CTSC: variants seen among roughly 807,000 people sequenced by gnomAD.
CTSC encodes the protein cathepsin C, also known as dipeptidyl peptidase 1.
Under a neutral mutation model 40.9 loss-of-function variants are expected in CTSC, and 37 were observed. That is an observed-to-expected ratio of 0.91 (90% CI 0.70 to 1.19). The LOEUF is 1.19. Ranked by LOEUF, CTSC falls within the 50% of genes most tolerant of loss-of-function variation. CTSC has a pLI of 0.00. For missense variants in CTSC, 594 were observed against 567.3 expected (o/e 1.05, Z -0.48); for synonymous variants, 232 against 207.4 (o/e 1.12, Z -1.02).
intron 2 of CTSC, among the ~76,000 whole-genome samples, chr11:88,327,550 GA>G (rs1405519078): frequency 1.3e-5 from 2 of 152,160 alleles, no homozygotes; most frequent in African/African-American, 4.8e-5. Context: ...AGAATGTAAA[GA>G]GTGAATAAGA....
Position 88,336,210 on chromosome 11 carries a change from T to C in CTSC, c.173-1128A>G, listed in dbSNP as rs527387038. ...ACAGGGCAGTGCAAATCCTGATCTC[T>C]TTCTGCCCCAACCTTCAAACTCAAA... On this transcript the variant is annotated intron_variant, in intron 1 of 6. Coordinates refer to ENST00000227266, the MANE Select transcript of CTSC (RefSeq NM_001814.6). 4.2e-4 allele frequency among the ~76,000 whole-genome samples: 63 copies of C among 149,686 alleles called. No homozygotes were observed. In the South Asian group the frequency reaches 0.01, roughly 24 times the overall value.
chr11:88,296,458 T>TGA, intron 5 of CTSC, 194 bp from the exon 6 acceptor site: 1 of 610,246 alleles, frequency 1.6e-6, no homozygotes, highest in Non-Finnish European at 2.8e-6. Flanking sequence ...TTCATCCTTT[T>TGA]TCATCAAAAG....
In CTSC at chr11:88,337,508, C is replaced by G; in HGVS notation, c.165G>C (p.Ser55=). Residue 55 remains serine, a synonymous_variant, in exon 1 of 7, where the codon TCG becomes TCC. Transcript: ENST00000227266. ...GCCGAGCCGGCGGCTTACCCATAAC[C>G]GAGCAGTTGACATCGCGCTGGGAAC... ...SSGSQRDVNC[S]VMGPQEKKVV... The G allele has an allele frequency of 6.4e-7, 1 of 1,573,284 alleles. No homozygotes were observed. Among genetic ancestry groups the G allele is most frequent in the Non-Finnish European group, 8.6e-7 (1 of 1,158,348 alleles).
At chr11:88,326,177 A>G (rs1938179064) in intron 2 of CTSC, 2 of 1,355,350 alleles carry the variant, frequency 1.5e-6, no homozygotes, top group Admixed American at 3.1e-5. Context: ...TCTCCTGTGT[A>G]GTCTCTGGTT....
At chr11:88,335,209 C>A in intron 1 of CTSC, 127 bp from the exon 2 acceptor site, 2 of 703,090 alleles carry the variant, frequency 2.8e-6, no homozygotes, top group South Asian at 1.6e-5. Flanking sequence ...GCACAGTCTG[C>A]CTAGTGAAGA....
At chr11:88,304,987 A>C (rs1012259360) in intron 4 of CTSC, among the ~76,000 whole-genome samples, 2 of 152,128 alleles carry the variant, frequency 1.3e-5, no homozygotes, top group African/African-American at 4.8e-5. Flanking sequence ...AATCCCAGCT[A>C]CTTGGGAGGC....
chr11:88,314,277 T>C (rs1937829147), intron 2 of CTSC, among the ~76,000 whole-genome samples: 1 of 152,156 alleles, frequency 6.6e-6, no homozygotes, highest in Non-Finnish European at 1.5e-5. Flanking sequence ...CAAAAAGAGG[T>C]TTGTAGTTTG....
At chr11:88,312,643 G>GC (rs201231194) in intron 2 of CTSC, 89 bp from the exon 3 acceptor site, 1 of 1,359,386 alleles carries the variant, frequency 7.4e-7, no homozygotes, top group Non-Finnish European at 9.8e-7. Flanking sequence ...CAGTAAATGT[G>GC]CCCCTTTCAA....
At chr11:88,317,550 G>GA (rs2134793193) in intron 2 of CTSC, among the ~76,000 whole-genome samples, 1 of 152,316 alleles carries the variant, frequency 6.6e-6, no homozygotes, top group Non-Finnish European at 1.5e-5. Context: ...TACCAGCGGG[G>GA]AAGCCAAGTA....
rs1188164642 is a variant in CTSC, at chr11:88,305,020, C to T, written c.641+4143G>A. 2.6e-5 allele frequency among the ~76,000 whole-genome samples: 4 copies of T among 152,054 alleles called. No homozygotes were observed. In the East Asian group the frequency reaches 7.7e-4, roughly 29 times the overall value. On this transcript the variant is annotated intron_variant, in intron 4 of 6. Transcript: ENST00000227266. ...GGCTGAGGCAGGAGAATCATTTAAACCCAGGAGGCAGAGGTTGCAGTGAGC... is the reference window on the plus strand; with the variant it reads ...GGCTGAGGCAGGAGAATCATTTAAATCCAGGAGGCAGAGGTTGCAGTGAGC...
At position 88,337,603 on chromosome 11, in the gene CTSC, A is replaced by C; in HGVS notation, c.70T>G (p.Cys24Gly). ...TAGGTGCAGTTGGCAGGTGTGTCGC[A>C]GCGCACGGCGCCGTCGCCGGAGAGA... is the stretch of plus-strand genomic sequence containing the variant. ...LLLSGDGAVR[C>G]DTPANCTYLD... The change falls in exon 1 of 7, where the codon TGC becomes GGC. Residue 24 changes from cysteine to glycine, a missense_variant. Cys to Gly is a radical substitution (Grantham distance 159). Transcript: ENST00000227266. 2.5e-6 allele frequency: 4 copies of C among 1,580,286 alleles called. No homozygotes were observed. The East Asian group carries it at 7.0e-5, about 28-fold the overall frequency.
intron 2 of CTSC, chr11:88,322,548 A>G (rs928688597): frequency 6.6e-6 from 1 of 152,174 alleles, no homozygotes; most frequent in Non-Finnish European, 1.5e-5. Context: ...AAAATAAGAG[A>G]AGAATCAAAC....
intron 5 of CTSC, chr11:88,296,488 A>G: frequency 6.3e-6 from 3 of 475,070 alleles, no homozygotes; most frequent in South Asian, 6.3e-5. Context: ...AGTACATGGG[A>G]CTTTCTTTGA....
intron 2 of CTSC, chr11:88,326,399 G>A: frequency 1.9e-6 from 3 of 1,613,952 alleles, no homozygotes; most frequent in Non-Finnish European, 1.7e-6. Flanking sequence ...TCTGTTCATG[G>A]CTGTGGTTTT....
chr11:88,337,085 G>A (rs1252052619), intron 1 of CTSC, among the ~76,000 whole-genome samples: 2 of 152,074 alleles, frequency 1.3e-5, no homozygotes, highest in Non-Finnish European at 2.9e-5. Context: ...AAAACTTCAT[G>A]CTATATCCTC....
rs764613728 is a variant in CTSC at position 88,294,279 on chromosome 11, A to T, written c.1119T>A (p.Ala373=). ...ELVHHGPMAV[A]FEVYDDFLHY... ...GGAGGAAGTCATCATATACTTCAAA[A>T]GCAACTGCCATGGGCCCATGATGGA... The change falls in exon 7 of 7, where the codon GCT becomes GCA. Residue 373 remains alanine (A), a synonymous_variant. Coordinates refer to ENST00000227266, the MANE Select transcript of CTSC (RefSeq NM_001814.6). 2.5e-6 allele frequency: 4 copies of T among 1,614,012 alleles called. No homozygotes were observed. In the African/African-American group the frequency reaches 5.3e-5, roughly 22 times the overall value.
intron 1 of CTSC, among the ~76,000 whole-genome samples, chr11:88,336,419 A>C (rs755784859): frequency 8.6e-5 from 13 of 151,538 alleles, no homozygotes; most frequent in Non-Finnish European, 1.8e-4. Context: ...TGTGCCCGTA[A>C]TCCTAGCTAC....
rs748781412 is a variant in CTSC at position 88,337,602 on chromosome 11, C to T, written c.71G>A (p.Cys24Tyr). 4.9e-5 allele frequency: 78 copies of T among 1,579,586 alleles called. No individual in the cohort carries two copies. The highest frequency in any genetic ancestry group is 6.3e-5 in the Non-Finnish European group (73 of 1,162,226). The change falls in exon 1 of 7, where the codon TGC becomes TAC. Residue 24 changes from cysteine (C) to tyrosine (Y), a missense_variant. Transcript: ENST00000227266. ...LLLSGDGAVR[C>Y]DTPANCTYLD... is the part of the protein sequence containing the mutation. ...ATAGGTGCAGTTGGCAGGTGTGTCGCAGCGCACGGCGCCGTCGCCGGAGAG... is the reference window on the plus strand; with the variant it reads ...ATAGGTGCAGTTGGCAGGTGTGTCGTAGCGCACGGCGCCGTCGCCGGAGAG...
At chr11:88,329,483 A>T (rs1013496528) in intron 2 of CTSC, among the ~76,000 whole-genome samples, 30 of 130,616 alleles carry the variant, frequency 2.3e-4, no homozygotes, top group Non-Finnish European at 6.4e-5. Flanking sequence ...AAAAAAAAAA[A>T]GCCTATTCAA....
Sources: gnomAD v4.1 joint callset for allele counts (sites outside exome capture counted in the v4.1 genomes callset) on GRCh38, gnomAD v4.1.1 for gene constraint, MANE v1.5 for transcripts, NCBI Gene and HGNC (gene_info 2026-07-23, HGNC 2026-07-21) for gene names.